The following HIF3A variants were observed in gnomAD, a reference collection of about 807,000 sequenced individuals.
HIF3A encodes hypoxia inducible factor 3 subunit alpha.
A neutral mutation model predicts 67.2 loss-of-function variants in HIF3A; 41 were observed. That is an observed-to-expected ratio of 0.61 (90% CI 0.48 to 0.79). The LOEUF is 0.79. HIF3A is among the 30% of genes least tolerant of loss of function. The pLI is 0.00. For missense variants in HIF3A, 855 were observed against 898.0 expected, an observed-to-expected ratio of 0.95 and a Z score of 0.61; for synonymous variants, 356 against 374.8, an observed-to-expected ratio of 0.95 and a Z score of 0.58.
At chr19:46,311,986 T>C in intron 6 of HIF3A, 175 bp from the exon 7 acceptor site, 1 of 764,748 alleles carries the variant, frequency 1.3e-6, no homozygotes. Flanking sequence ...TTGGGGGTCA[T>C]TATTCAACCC....
Position 46,305,327 on chromosome 19 carries a change from C to T in HIF3A, c.300C>T (p.Leu100=), listed in dbSNP as rs115471113. 2.9e-5 allele frequency: 47 copies of T among 1,614,116 alleles called. No homozygotes were observed. The highest frequency in any genetic ancestry group is 1.3e-5 in the African/African-American group (1 of 75,036). The change falls in exon 3 of 15, where the codon CTC becomes CTT. Residue 100 remains leucine, a synonymous_variant. Transcript: ENST00000377670. ...LKALEGFVMV[L]TAEGDMAYLS... ...CCCTGGAGGGCTTCGTCATGGTGCT[C>T]ACCGCCGAGGGAGACATGGCTTACC...
chr19:46,301,175 TG>T (rs1968299109), intron 1 of HIF3A, among the ~76,000 whole-genome samples: 1 of 152,170 alleles, frequency 6.6e-6, no homozygotes, highest in Admixed American at 6.5e-5. Context: ...CCATCCAAAC[TG>T]CCCCCTTCTG....
In HIF3A at chr19:46,301,164, T is replaced by A. The variant is rs554439722; in HGVS notation, c.27-2734T>A. Among the ~76,000 whole-genome samples the A allele has an allele frequency of 2.0e-5, 3 of 152,078 alleles. No individual in the cohort carries two copies. The South Asian group carries it at 6.2e-4, about 32-fold the overall frequency. On this transcript the variant is annotated intron_variant, in intron 1 of 14. Coordinates refer to ENST00000377670, the MANE Select transcript of HIF3A (RefSeq NM_152795.4). The stretch of plus-strand genomic sequence containing the variant: ...GGCCGTATCTCCCCTGCTCCAACCC[T>A]CCATCCAAACTGCCCCCTTCTGTGC...
In HIF3A at chr19:46,301,513, C is replaced by G. The variant is rs759052907; in HGVS notation, c.27-2385C>G. Among the ~76,000 whole-genome samples the G allele has an allele frequency of 2.0e-5, 3 of 152,152 alleles. No homozygotes were observed. The East Asian group carries it at 5.8e-4, about 29-fold the overall frequency. On this transcript the variant is annotated intron_variant, in intron 1 of 14. Coordinates refer to ENST00000377670, the MANE Select transcript of HIF3A (RefSeq NM_152795.4). ...TCACCTTTCAGAAGCTGTTTCCCCA[C>G]TGTAAAGTGGAAGTTTAAAATGCCC...
At chr19:46,321,536 A>G (rs973499471) in intron 9 of HIF3A, among the ~76,000 whole-genome samples, 3 of 152,202 alleles carry the variant, frequency 2.0e-5, no homozygotes, top group Non-Finnish European at 4.4e-5. Flanking sequence ...GTGAACTGAG[A>G]TAGTGCCACT....
At chr19:46,313,083 C>G in intron 8 of HIF3A, 1 of 752,640 alleles carries the variant, frequency 1.3e-6, no homozygotes, top group Non-Finnish European at 1.6e-6. Context: ...AATGCTGTTT[C>G]TACTAATAAT....
At chr19:46,336,812 C>A (rs187240289) in intron 14 of HIF3A, among the ~76,000 whole-genome samples, 23 of 152,232 alleles carry the variant, frequency 1.5e-4, no homozygotes, top group Admixed American at 1.5e-3. Context: ...CATGGTGAAA[C>A]CCTGTCTCTA....
At chr19:46,339,207 A>C (rs1033362840) in intron 14 of HIF3A, among the ~76,000 whole-genome samples, 1 of 151,288 alleles carries the variant, frequency 6.6e-6, no homozygotes, top group Admixed American at 6.6e-5. Context: ...CACCTTATCT[A>C]AAAAAAAATC....
chr19:46,343,389 C>T lies in HIF3A; in HGVS notation c.*3767C>T, dbSNP rs984849537. Reference sequence around the variant, plus strand: ...CTGGCCACACTGGCTCTGAAACTCACCAATCTCTATACACCATAAAGACCT... The same window carrying T: ...CTGGCCACACTGGCTCTGAAACTCATCAATCTCTATACACCATAAAGACCT... On this transcript the variant is annotated 3_prime_UTR_variant, in exon 15 of 15. Coordinates refer to ENST00000377670, the MANE Select transcript of HIF3A (RefSeq NM_152795.4). 5 of 152,578 alleles carry T rather than the reference C, an allele frequency of 3.3e-5. No homozygotes were observed. The highest frequency in any genetic ancestry group is 1.2e-4 in the African/African-American group (5 of 41,416). 9.5% of individuals were successfully genotyped at this position (152,578 alleles called of 1,614,324 possible).
intron 11 of HIF3A, among the ~76,000 whole-genome samples, chr19:46,328,631 G>C (rs973468378): frequency 6.6e-6 from 1 of 152,042 alleles, no homozygotes; most frequent in Non-Finnish European, 1.5e-5. Flanking sequence ...CTTTCCTCTG[G>C]TTTCCAGTGA....
intron 9 of HIF3A, among the ~76,000 whole-genome samples, chr19:46,320,937 G>A (rs992147625): frequency 6.6e-6 from 1 of 152,060 alleles, no homozygotes; most frequent in African/African-American, 2.4e-5. Context: ...CAGTAATCTC[G>A]ATCCTCCTAA....
intron 10 of HIF3A, among the ~76,000 whole-genome samples, chr19:46,322,369 C>T (rs957334986): frequency 7.9e-5 from 12 of 152,232 alleles, no homozygotes; most frequent in African/African-American, 2.4e-4. Flanking sequence ...CAGGTTGGGC[C>T]TCAGTCCCCA....
chr19:46,334,434 A>T (rs963084580), intron 13 of HIF3A, among the ~76,000 whole-genome samples: 1 of 152,068 alleles, frequency 6.6e-6, no homozygotes, highest in African/African-American at 2.4e-5. Flanking sequence ...GGGTCTCATT[A>T]TGTTGCCCAG....
At position 46,339,719 on chromosome 19, in the gene HIF3A, A is replaced by C. The variant is rs1288175620; in HGVS notation, c.*97A>C. 1 of 832,854 alleles carries C rather than the reference A, an allele frequency of 1.2e-6. No homozygotes were observed. The highest frequency in any genetic ancestry group is 2.1e-5 in the South Asian group (1 of 48,244). 51.6% of individuals were successfully genotyped at this position (832,854 alleles called of 1,614,324 possible). ...ACGCACAGGATGGGGGCGCCAGGAG[A>C]GGGGCCCCTCTCTCCTCTATGTACC... On this transcript the variant is annotated 3_prime_UTR_variant, in exon 15 of 15. Coordinates refer to ENST00000377670, the MANE Select transcript of HIF3A (RefSeq NM_152795.4).
chr19:46,300,389 G>C (rs1207483155), intron 1 of HIF3A, among the ~76,000 whole-genome samples: 1 of 152,148 alleles, frequency 6.6e-6, no homozygotes. Flanking sequence ...GGCCGGGCGC[G>C]GTGGCTCATG....
Position 46,339,541 on chromosome 19 carries a change from G to T in HIF3A, c.1929G>T (p.Leu643=), listed in dbSNP as rs137925824. 2.2e-4 allele frequency: 348 copies of T among 1,600,038 alleles called. 7 individuals are homozygous for T. The South Asian group carries it at 2.2e-3, about 10-fold the overall frequency. ...LNEPLGLGPS[L]LSPYSDEDTT... ...TCTTTGCAGGCCTGGGCCCCTCACTGCTCTCTCCGTACTCAGACGAGGACA... is the reference window on the plus strand; with the variant it reads ...TCTTTGCAGGCCTGGGCCCCTCACTTCTCTCTCCGTACTCAGACGAGGACA... The change falls in exon 15 of 15, where the codon CTG becomes CTT. Residue 643 remains leucine (L), a synonymous_variant. Coordinates refer to ENST00000377670, the MANE Select transcript of HIF3A (RefSeq NM_152795.4).
chr19:46,301,196 C>T (rs770661466), intron 1 of HIF3A, among the ~76,000 whole-genome samples: 11 of 152,174 alleles, frequency 7.2e-5, no homozygotes, highest in Non-Finnish European at 1.6e-4. Context: ...GTGCCTCCCT[C>T]CCTGCTGTAC....
At position 46,341,126 on chromosome 19, in the gene HIF3A, A is replaced by G. The variant is rs1193176103; in HGVS notation, c.*1504A>G. 1 of 151,316 alleles carries G rather than the reference A, an allele frequency of 6.6e-6. No individual in the cohort carries two copies. The highest frequency in any genetic ancestry group is 1.5e-5 in the Non-Finnish European group (1 of 67,992). The allele number at this position is 151,316 out of a possible 1,614,324, so 9.4% of individuals were successfully genotyped here. On this transcript the variant is annotated 3_prime_UTR_variant, in exon 15 of 15. Transcript: ENST00000377670. ...TCTGGTTCTGGACCCCACAACTCCA[A>G]GCTTCCTATTGGTTCCAGTTCTCCT... is the stretch of plus-strand genomic sequence containing the variant.
intron 12 of HIF3A, 140 bp downstream of exon 12, chr19:46,329,618 T>G (rs1441799664): frequency 1.9e-6 from 2 of 1,056,334 alleles, no homozygotes; most frequent in African/African-American, 1.6e-5. Flanking sequence ...GCCCAGCACA[T>G]GCCAAGTTTG....
Sources: gnomAD v4.1 joint callset for allele counts (sites outside exome capture counted in the v4.1 genomes callset) on GRCh38, gnomAD v4.1.1 for gene constraint, MANE v1.5 for transcripts, NCBI Gene and HGNC (gene_info 2026-07-23, HGNC 2026-07-21) for gene names.